Variants in EEPD1 observed in about 807,000 individuals in gnomAD.
EEPD1 encodes endonuclease/exonuclease/phosphatase family domain containing 1.
A neutral mutation model predicts 46.3 loss-of-function variants in EEPD1; 17 were observed. The ratio of observed to expected loss-of-function variants is 0.37; its 90% confidence interval spans 0.25 to 0.55. The LOEUF (loss-of-function observed/expected upper bound fraction) is 0.55, where lower values mean the gene tolerates loss of function less well. EEPD1 is among the 20% of genes least tolerant of loss of function. The pLI, the probability that EEPD1 is intolerant of heterozygous loss-of-function variation, is 0.83. For synonymous variants in EEPD1, 313 were observed against 315.6 expected (o/e 0.99, Z 0.09); for missense variants, 673 against 745.6 (o/e 0.90, Z 1.13).
chr7:36,299,575 G>A lies in EEPD1; in HGVS notation c.*369G>A. The A allele has an allele frequency of 3.6e-6, 1 of 274,360 alleles. No individual in the cohort carries two copies. The highest frequency in any genetic ancestry group is 7.0e-6 in the Non-Finnish European group (1 of 142,964). 17.0% of individuals were successfully genotyped at this position (274,360 alleles called of 1,614,324 possible). A position where few individuals can be genotyped will look rare whatever the true frequency, so the allele number is the denominator to read the frequency against. On this transcript the variant is annotated 3_prime_UTR_variant, in exon 8 of 8. Transcript: ENST00000242108. ...TGCTCAGGCTGCGGGCCACAGTCCA[G>A]CAGCGCCAGAAGCACTCATTTCTGA...
chr7:36,165,387 T>A (rs916296122), intron 2 of EEPD1, among the ~76,000 whole-genome samples: 6 of 148,042 alleles, frequency 4.1e-5, no homozygotes, highest in Admixed American at 1.4e-4. Flanking sequence ...TGCACAATGA[T>A]GAAATCGCCT....
intron 6 of EEPD1, among the ~76,000 whole-genome samples, chr7:36,288,844 G>A (rs1248301946): frequency 1.3e-5 from 2 of 151,998 alleles, no homozygotes; most frequent in Non-Finnish European, 2.9e-5. Flanking sequence ...TCTGCACTTG[G>A]TTTACCAAAA....
intron 2 of EEPD1, among the ~76,000 whole-genome samples, chr7:36,199,530 CT>C (rs1394975743): frequency 1.3e-5 from 2 of 152,044 alleles, no homozygotes; most frequent in Non-Finnish European, 2.9e-5. Flanking sequence ...ACTCCCAGGA[CT>C]TTTTTCTTGG....
Position 36,226,839 on chromosome 7 carries a change from A to G in EEPD1, c.879-12146A>G, listed in dbSNP as rs17273658. Among the ~76,000 whole-genome samples the G allele has an allele frequency of 6.4e-3, 982 of 152,328 alleles. 3 individuals carry two copies. Among genetic ancestry groups the G allele is most frequent in the Non-Finnish European group, 0.011 (769 of 68,038 alleles). On this transcript the variant is annotated intron_variant, in intron 2 of 7. Coordinates refer to ENST00000242108, the MANE Select transcript of EEPD1 (RefSeq NM_030636.3). ...TAAATACATACTTAGAGAAAAAAGT[A>G]TGGCTTTATATATATAATAAATCAT...
chr7:36,174,686 G>T (rs1257981998), intron 2 of EEPD1, among the ~76,000 whole-genome samples: 1 of 152,176 alleles, frequency 6.6e-6, no homozygotes, highest in Non-Finnish European at 1.5e-5. Flanking sequence ...CTTTCACTGG[G>T]TGAATGGTGA....
chr7:36,194,312 A>G lies in EEPD1; in HGVS notation c.878+39110A>G, dbSNP rs114602282. ...GAGGAAGAAATCCTTGAATGAATGG[A>G]TGAATGAGTGAATGATTGAATTCCA... On this transcript the variant is annotated intron_variant, in intron 2 of 7. Transcript: ENST00000242108. 3.6e-3 allele frequency among the ~76,000 whole-genome samples: 541 copies of G among 152,292 alleles called. 4 individuals carry two copies. The highest frequency in any genetic ancestry group is 0.012 in the African/African-American group (519 of 41,558).
At chr7:36,215,283 A>C (rs1232196483) in intron 2 of EEPD1, among the ~76,000 whole-genome samples, 1 of 152,124 alleles carries the variant, frequency 6.6e-6, no homozygotes, top group African/African-American at 2.4e-5. Context: ...CGGGGTCATC[A>C]AGCCCCTAAA....
In EEPD1 at chr7:36,284,757, G is replaced by A. The variant is rs751170853; in HGVS notation, c.1113G>A (p.Glu371=). The change falls in exon 5 of 8, where the codon GAG becomes GAA. Residue 371 remains glutamate (E), a synonymous_variant. Coordinates refer to ENST00000242108, the MANE Select transcript of EEPD1 (RefSeq NM_030636.3). ...GMELRDAGSQ[E]SSPSNGHGKL... is the part of the protein sequence containing the mutation. Reference sequence around the variant, plus strand: ...AGCTGAGAGACGCGGGTTCACAGGAGAGCTCGCCAAGCAACGGGCACGGGA... The same window carrying A: ...AGCTGAGAGACGCGGGTTCACAGGAAAGCTCGCCAAGCAACGGGCACGGGA... 1 of 1,603,486 alleles carries A rather than the reference G, an allele frequency of 6.2e-7. No homozygotes were observed. Among genetic ancestry groups the A allele is most frequent in the Non-Finnish European group, 8.5e-7 (1 of 1,174,588 alleles).
At chr7:36,233,791 C>T (rs954590296) in intron 2 of EEPD1, among the ~76,000 whole-genome samples, 7 of 152,188 alleles carry the variant, frequency 4.6e-5, no homozygotes, top group African/African-American at 1.4e-4. Flanking sequence ...CAAACGCAAA[C>T]CTGCCTAAGA....
At chr7:36,165,396 C>T (rs1294241654) in intron 2 of EEPD1, among the ~76,000 whole-genome samples, 3 of 143,962 alleles carry the variant, frequency 2.1e-5, no homozygotes, top group Non-Finnish European at 4.5e-5. Context: ...ATGAAATCGC[C>T]TAATGATCCA....
chr7:36,210,053 C>T (rs1785899851), intron 2 of EEPD1, among the ~76,000 whole-genome samples: 1 of 152,018 alleles, frequency 6.6e-6, no homozygotes, highest in African/African-American at 2.4e-5. Flanking sequence ...TTTGGACTTC[C>T]TGCAGGCAGC....
Position 36,165,411 on chromosome 7 carries a change from C to CTTTTTTTT in EEPD1, c.878+10230_878+10237dup, listed in dbSNP as rs56236165. ...ATGAAATCGCCTAATGATCCATTTCCTTTTTTTTTTTTTTTTTTTTTTTTT... is the reference window on the plus strand; with the variant it reads ...ATGAAATCGCCTAATGATCCATTTCCTTTTTTTTTTTTTTTTTTTTTTTTTTTTTTTTT... On this transcript the variant is annotated intron_variant, in intron 2 of 7. Coordinates refer to ENST00000242108, the MANE Select transcript of EEPD1 (RefSeq NM_030636.3). 3.6e-3 allele frequency among the ~76,000 whole-genome samples: 224 copies of CTTTTTTTT among 62,104 alleles called. 37 individuals are homozygous for CTTTTTTTT. The highest frequency in any genetic ancestry group is 0.013 in the African/African-American group (184 of 14,100). The allele number at this position is 62,104 out of a possible 152,430, so 40.7% of individuals were successfully genotyped here.
At chr7:36,238,912 C>T (rs768149861) in intron 2 of EEPD1, 73 bp from the exon 3 acceptor site, 20 of 1,465,766 alleles carry the variant, frequency 1.4e-5, no homozygotes, top group Admixed American at 2.5e-5. Flanking sequence ...TTTGTTCTTG[C>T]GACTTGTTAG....
intron 6 of EEPD1, among the ~76,000 whole-genome samples, chr7:36,291,422 G>A (rs905049396): frequency 2.6e-5 from 4 of 152,178 alleles, no homozygotes; most frequent in Non-Finnish European, 5.9e-5. Context: ...TCCCACCTCT[G>A]GGAGCCTGTT....
At chr7:36,237,975 AT>A (rs1786488114) in intron 2 of EEPD1, among the ~76,000 whole-genome samples, 1 of 152,052 alleles carries the variant, frequency 6.6e-6, no homozygotes, top group African/African-American at 2.4e-5. Context: ...ATGGCTAGGT[AT>A]TTTTATGGGT....
chr7:36,301,014 C>T lies in EEPD1; in HGVS notation c.*1808C>T, dbSNP rs1374914769. On this transcript the variant is annotated 3_prime_UTR_variant, in exon 8 of 8. Transcript: ENST00000242108. ...TGCCTCATCTAAAGGTGAAACCTCCCCTACATTCACCAGCCGGATGTCCCA... is the reference window on the plus strand; with the variant it reads ...TGCCTCATCTAAAGGTGAAACCTCCTCTACATTCACCAGCCGGATGTCCCA... 6.6e-6 allele frequency: 1 copy of T among 152,280 alleles called. No individual in the cohort carries two copies. Among genetic ancestry groups the T allele is most frequent in the Non-Finnish European group, 1.5e-5 (1 of 68,066 alleles). The allele number at this position is 152,280 out of a possible 1,614,324, so 9.4% of individuals were successfully genotyped here.
At chr7:36,229,855 T>A (rs770554431) in intron 2 of EEPD1, among the ~76,000 whole-genome samples, 2 of 152,114 alleles carry the variant, frequency 1.3e-5, no homozygotes, top group Non-Finnish European at 2.9e-5. Flanking sequence ...GCACCTACCC[T>A]GGACTGTCTT....
At chr7:36,202,909 C>T (rs1171855473) in intron 2 of EEPD1, among the ~76,000 whole-genome samples, 1 of 152,180 alleles carries the variant, frequency 6.6e-6, no homozygotes, top group East Asian at 1.9e-4. Flanking sequence ...CCAGCTCCTG[C>T]CTGGCATCTG....
At chr7:36,251,269 C>A (rs969330616) in intron 3 of EEPD1, among the ~76,000 whole-genome samples, 2 of 152,112 alleles carry the variant, frequency 1.3e-5, no homozygotes, top group African/African-American at 4.8e-5. Flanking sequence ...TTGCCACTGT[C>A]CTATTTCTCT....
Sources: gnomAD v4.1 joint callset for allele counts (sites outside exome capture counted in the v4.1 genomes callset) on GRCh38, gnomAD v4.1.1 for gene constraint, MANE v1.5 for transcripts, NCBI Gene and HGNC (gene_info 2026-07-23, HGNC 2026-07-21) for gene names.